Variants in TAS2R1 observed in about 807,000 individuals in gnomAD.
TAS2R1 encodes taste 2 receptor member 1.
For synonymous variants in TAS2R1, 141 were observed against 134.2 expected, an observed-to-expected ratio of 1.05 and a Z score of -0.35; for missense variants, 370 against 353.4, an observed-to-expected ratio of 1.05 and a Z score of -0.38.
At chr5:9,663,299 T>A (rs1434515461) in intron 1 of TAS2R1, among the ~76,000 whole-genome samples, 3 of 152,134 alleles carry the variant, frequency 2.0e-5, no homozygotes, top group Admixed American at 6.5e-5. Flanking sequence ...ACTAAGGCAA[T>A]AAATTTTTAA....
At chr5:9,891,834 T>C in the TAS2R1 span, among the ~76,000 whole-genome samples, 1 of 152,282 alleles carries the variant, frequency 6.6e-6, no homozygotes, top group South Asian at 2.1e-4. Flanking sequence ...AAGCACTTCA[T>C]GACCACTCCA....
rs967041378 is a variant in TAS2R1 at position 9,627,488 on chromosome 5, G to C, written c.*1645C>G. Among the ~76,000 whole-genome samples the C allele has an allele frequency of 6.6e-6, 1 of 151,770 alleles. No individual in the cohort carries two copies. Among genetic ancestry groups the C allele is most frequent in the African/African-American group, 2.4e-5 (1 of 41,308 alleles). On this transcript the variant is annotated 3_prime_UTR_variant, in exon 1 of 1. Transcript: ENST00000382492. ...TTGCATGAAATAGAATCAGAATTTA[G>C]TATCAGAAAAAAAAACACATGAGAG...
chr5:9,823,913 T>C, the TAS2R1 span, among the ~76,000 whole-genome samples: 1 of 152,062 alleles, frequency 6.6e-6, no homozygotes, highest in Admixed American at 6.5e-5. Context: ...GCAACACTGA[T>C]AGAACTAAAA....
At chr5:9,730,699 A>G in the TAS2R1 span, among the ~76,000 whole-genome samples, 1 of 152,048 alleles carries the variant, frequency 6.6e-6, no homozygotes, top group African/African-American at 2.4e-5. Flanking sequence ...GAAGAGTGGC[A>G]TGATATGGTT....
At chr5:9,813,336 C>T in the TAS2R1 span, among the ~76,000 whole-genome samples, 4 of 152,188 alleles carry the variant, frequency 2.6e-5, no homozygotes, top group African/African-American at 7.2e-5. Flanking sequence ...TTGTTTAATC[C>T]ATCAGTCTCT....
At chr5:9,822,191 A>G in the TAS2R1 span, among the ~76,000 whole-genome samples, 7 of 152,136 alleles carry the variant, frequency 4.6e-5, no homozygotes, top group East Asian at 3.9e-4. Context: ...TCACATGGCT[A>G]TATCTTACTC....
the TAS2R1 span, among the ~76,000 whole-genome samples, chr5:9,786,700 A>C: frequency 6.6e-6 from 1 of 152,200 alleles, no homozygotes; most frequent in African/African-American, 2.4e-5. Context: ...CAGCCCTAGG[A>C]GATTTGAGGG....
chr5:9,817,708 T>C, the TAS2R1 span, among the ~76,000 whole-genome samples: 1 of 152,198 alleles, frequency 6.6e-6, no homozygotes, highest in African/African-American at 2.4e-5. Flanking sequence ...GAATTTGTTT[T>C]CACACTACTG....
the TAS2R1 span, among the ~76,000 whole-genome samples, chr5:9,879,131 C>G: frequency 1.3e-5 from 2 of 152,230 alleles, no homozygotes; most frequent in South Asian, 2.1e-4. Flanking sequence ...TAAAGAGGCA[C>G]TTAGTAGTCA....
the TAS2R1 span, among the ~76,000 whole-genome samples, chr5:9,872,617 G>T: frequency 6.6e-6 from 1 of 152,114 alleles, no homozygotes; most frequent in Admixed American, 6.5e-5. Context: ...ATCTAAAATT[G>T]GAATATGATA....
intron 1 of TAS2R1, among the ~76,000 whole-genome samples, chr5:9,702,124 C>G (rs137956388): frequency 0.01 from 1,529 of 152,258 alleles, 30 homozygotes; most frequent in African/African-American, 0.035. Context: ...TTCTTGTTTC[C>G]CTTAAACCTT....
At chr5:9,879,684 A>G in the TAS2R1 span, among the ~76,000 whole-genome samples, 1 of 152,220 alleles carries the variant, frequency 6.6e-6, no homozygotes, top group East Asian at 1.9e-4. Flanking sequence ...TCTGACCCAT[A>G]AAGATGCCTG....
At chr5:9,733,364 A>G in the TAS2R1 span, among the ~76,000 whole-genome samples, 4 of 152,252 alleles carry the variant, frequency 2.6e-5, no homozygotes, top group Non-Finnish European at 5.9e-5. Context: ...CCCGCAAAGC[A>G]TAACGTATTT....
the TAS2R1 span, among the ~76,000 whole-genome samples, chr5:9,728,654 G>C: frequency 6.6e-6 from 1 of 152,214 alleles, no homozygotes; most frequent in Non-Finnish European, 1.5e-5. Flanking sequence ...GGAAGTAGGG[G>C]AGTAAGGGAT....
At chr5:9,842,316 C>CGTTTTTTTTTTTTTTTTT in the TAS2R1 span, among the ~76,000 whole-genome samples, 1 of 116,230 alleles carries the variant, frequency 8.6e-6, no homozygotes, top group African/African-American at 3.4e-5. Context: ...TTCTTTCTCT[C>CGTTTTTTTTTTTTTTTTT]TTTTTTTTTT....
chr5:9,753,331 G>C, the TAS2R1 span, among the ~76,000 whole-genome samples: 8,412 of 152,180 alleles, frequency 0.055, 627 homozygotes, highest in East Asian at 0.27. Flanking sequence ...GTGTCTTTTG[G>C]CTGCATAAAT....
chr5:9,856,364 G>A, the TAS2R1 span, among the ~76,000 whole-genome samples: 1 of 151,974 alleles, frequency 6.6e-6, no homozygotes, highest in South Asian at 2.1e-4. Context: ...CTAATAGGAG[G>A]CTCTCCTTAT....
intron 1 of TAS2R1, among the ~76,000 whole-genome samples, chr5:9,681,282 T>G (rs1579781367): frequency 6.6e-6 from 1 of 151,678 alleles, no homozygotes; most frequent in Non-Finnish European, 1.5e-5. Flanking sequence ...GAAAAATGGG[T>G]GTGGGGCATA....
chr5:9,742,216 G>T, the TAS2R1 span, among the ~76,000 whole-genome samples: 1 of 152,140 alleles, frequency 6.6e-6, no homozygotes, highest in Non-Finnish European at 1.5e-5. Flanking sequence ...ATGTTTTCCT[G>T]TTACTCTCCG....
Sources: gnomAD v4.1 joint callset for allele counts (sites outside exome capture counted in the v4.1 genomes callset) on GRCh38, gnomAD v4.1.1 for gene constraint, MANE v1.5 for transcripts, NCBI Gene and HGNC (gene_info 2026-07-23, HGNC 2026-07-21) for gene names.